TEX36: variants seen among roughly 807,000 people sequenced by gnomAD.
The protein encoded by TEX36 is testis expressed 36, also known as testis-expressed protein 36.
TEX36 carries 12 observed loss-of-function variants against 13.6 expected under a neutral mutation model. The ratio of observed to expected loss-of-function variants is 0.88; its 90% CI spans 0.56 to 1.43. The LOEUF (loss-of-function observed/expected upper bound fraction) is 1.43, where lower values mean the gene tolerates loss of function less well. Ranked by LOEUF, TEX36 falls within the 40% of genes most tolerant of loss-of-function variation. TEX36 has a pLI of 0.00. For missense variants in TEX36, 224 were observed against 228.3 expected (o/e 0.98, Z 0.12); for synonymous variants, 93 against 83.0 (o/e 1.12, Z -0.65).
intron 3 of TEX36, among the ~76,000 whole-genome samples, chr10:125,600,697 G>C (rs1846135065): frequency 6.6e-6 from 1 of 152,164 alleles, no homozygotes. Flanking sequence ...TTGAGTTACA[G>C]AGCTCAGGAG....
chr10:125,675,751 A>T (rs1231158130), intron 1 of TEX36, among the ~76,000 whole-genome samples: 1 of 152,176 alleles, frequency 6.6e-6, no homozygotes, highest in Non-Finnish European at 1.5e-5. Context: ...AGGATACCTC[A>T]GTTGCCAGTG....
At chr10:125,639,901 A>C (rs1437879447) in intron 3 of TEX36, among the ~76,000 whole-genome samples, 1 of 152,232 alleles carries the variant, frequency 6.6e-6, no homozygotes, top group Non-Finnish European at 1.5e-5. Flanking sequence ...GAGGGATTGG[A>C]TATGCCACTC....
At chr10:125,636,635 G>C (rs1462803099) in intron 3 of TEX36, among the ~76,000 whole-genome samples, 1 of 152,114 alleles carries the variant, frequency 6.6e-6, no homozygotes, top group Non-Finnish European at 1.5e-5. Context: ...CCGTGTTCCA[G>C]TTCTGTAAAT....
intron 1 of TEX36, among the ~76,000 whole-genome samples, chr10:125,680,529 AT>A (rs771058285): frequency 6.6e-6 from 1 of 152,190 alleles, no homozygotes; most frequent in Non-Finnish European, 1.5e-5. Flanking sequence ...TGACTGAAAT[AT>A]TAAATAGGAA....
chr10:125,586,914 A>G (rs1480186843), intron 3 of TEX36, among the ~76,000 whole-genome samples: 1 of 151,962 alleles, frequency 6.6e-6, no homozygotes, highest in Non-Finnish European at 1.5e-5. Context: ...AGGTGATTGG[A>G]AAGGTGGTTT....
At position 125,683,131 on chromosome 10, in the gene TEX36, TCTCAGC is replaced by T. The variant is rs1368130961; in HGVS notation, c.-148_-143del. 7.3e-6 allele frequency: 7 copies of T among 952,916 alleles called. No homozygotes were observed. In the East Asian group the frequency reaches 1.6e-4, roughly 22 times the overall value. The allele number at this position is 952,916 out of a possible 1,614,324, so 59.0% of individuals were successfully genotyped here. A position where few individuals can be genotyped will look rare whatever the true frequency, so the allele number is the denominator to read the frequency against. ...CTCCTCCTTGTTCCTGATCTTTACT[TCTCAGC>T]CTCTTCCAGGAGGGGAAGGTGCGGG... On this transcript the variant is annotated 5_prime_UTR_variant, in exon 1 of 4. Transcript: ENST00000368821.
chr10:125,601,836 T>C (rs962804034), intron 3 of TEX36, among the ~76,000 whole-genome samples: 3 of 152,172 alleles, frequency 2.0e-5, no homozygotes, highest in South Asian at 4.1e-4. Context: ...TGCTAACCAG[T>C]TGGAGGGAGT....
At chr10:125,671,349 G>T (rs533657095) in intron 1 of TEX36, among the ~76,000 whole-genome samples, 1 of 152,146 alleles carries the variant, frequency 6.6e-6, no homozygotes, top group Non-Finnish European at 1.5e-5. Context: ...AAGGGATGTT[G>T]AATTTTATTA....
chr10:125,583,767 A>G (rs982475283), intron 3 of TEX36, among the ~76,000 whole-genome samples: 1 of 152,226 alleles, frequency 6.6e-6, no homozygotes, highest in Non-Finnish European at 1.5e-5. Flanking sequence ...AGCCATTATT[A>G]TTGCCTCAAT....
At chr10:125,644,873 G>C (rs751829546) in intron 3 of TEX36, among the ~76,000 whole-genome samples, 5 of 152,226 alleles carry the variant, frequency 3.3e-5, no homozygotes, top group Non-Finnish European at 7.3e-5. Context: ...TCTTTCTGGT[G>C]AAAGAGATTG....
intron 3 of TEX36, among the ~76,000 whole-genome samples, chr10:125,594,291 T>C (rs1413508558): frequency 6.6e-6 from 1 of 152,214 alleles, no homozygotes; most frequent in Non-Finnish European, 1.5e-5. Context: ...AGTAAAAGCA[T>C]TTTTTAAATG....
At chr10:125,666,660 C>T (rs968944713) in intron 1 of TEX36, among the ~76,000 whole-genome samples, 1 of 152,058 alleles carries the variant, frequency 6.6e-6, no homozygotes, top group Admixed American at 6.5e-5. Context: ...GTAGTTCTCT[C>T]CCCGCCCCCC....
intron 1 of TEX36, among the ~76,000 whole-genome samples, chr10:125,664,669 G>T (rs9422918): frequency 0.021 from 3,258 of 152,176 alleles, 114 homozygotes; most frequent in African/African-American, 0.073. Flanking sequence ...TTGCTTCCCT[G>T]TCACCTTCTG....
intron 3 of TEX36, among the ~76,000 whole-genome samples, chr10:125,638,122 TC>T: frequency 6.6e-6 from 1 of 151,968 alleles, no homozygotes; most frequent in East Asian, 2.0e-4. Context: ...CAAGTTTCTT[TC>T]ATCTCTTCCC....
At chr10:125,657,381 C>T (rs1300564485) in intron 3 of TEX36, among the ~76,000 whole-genome samples, 1 of 152,118 alleles carries the variant, frequency 6.6e-6, no homozygotes, top group African/African-American at 2.4e-5. Context: ...GATCAGCCCC[C>T]AGAACCAGAG....
intron 3 of TEX36, among the ~76,000 whole-genome samples, chr10:125,633,842 G>A (rs1201712414): frequency 2.6e-5 from 4 of 152,084 alleles, no homozygotes; most frequent in Non-Finnish European, 1.5e-5. Flanking sequence ...ACGGTTCTAC[G>A]TTGTTTGACT....
Position 125,662,472 on chromosome 10 carries a change from G to A in TEX36, c.52-495C>T, listed in dbSNP as rs555626252. ...GATTCTCCACTGGAAATGTAGGATG[G>A]TAGAGGGGAGGTAACGTCTAGGAGG... is the stretch of plus-strand genomic sequence containing the variant. On this transcript the variant is annotated intron_variant, in intron 1 of 3. Coordinates refer to ENST00000368821, the MANE Select transcript of TEX36 (RefSeq NM_001128202.3). 2.0e-5 allele frequency among the ~76,000 whole-genome samples: 3 copies of A among 152,262 alleles called. No homozygotes were observed. The East Asian group carries it at 5.8e-4, about 29-fold the overall frequency.
downstream of TEX36, among the ~76,000 whole-genome samples, chr10:125,655,232 G>A (rs533196200): frequency 6.6e-6 from 1 of 152,184 alleles, no homozygotes; most frequent in East Asian, 1.9e-4. Context: ...ATCACTTGGG[G>A]CCAGGAATTC....
At chr10:125,587,903 C>T (rs2133529350) in intron 3 of TEX36, among the ~76,000 whole-genome samples, 1 of 151,266 alleles carries the variant, frequency 6.6e-6, no homozygotes, top group Non-Finnish European at 1.5e-5. Flanking sequence ...CTGTGCCTTG[C>T]TTTTGTTCAT....
Sources: gnomAD v4.1 joint callset for allele counts (sites outside exome capture counted in the v4.1 genomes callset) on GRCh38, gnomAD v4.1.1 for gene constraint, MANE v1.5 for transcripts, NCBI Gene and HGNC (gene_info 2026-07-23, HGNC 2026-07-21) for gene names.